ADRA1B: variants seen among roughly 807,000 people sequenced by gnomAD.
ADRA1B encodes adrenoceptor alpha 1B.
Under a neutral mutation model 17.9 loss-of-function variants are expected in ADRA1B, and 17 were observed. The observed-to-expected ratio is 0.95, with a 90% CI of 0.65 to 1.42. The LOEUF is 1.42. Among genes scored for constraint, ADRA1B ranks in the 40% most tolerant of loss-of-function variants. The pLI is 0.00. For missense variants in ADRA1B, 681 were observed against 722.1 expected (o/e 0.94, Z 0.65); for synonymous variants, 366 against 327.6 (o/e 1.12, Z -1.27).
intron 1 of ADRA1B, among the ~76,000 whole-genome samples, chr5:159,955,972 A>G (rs1314104446): frequency 6.6e-6 from 1 of 152,114 alleles, no homozygotes; most frequent in Non-Finnish European, 1.5e-5. Context: ...GCCAGGCATA[A>G]TGGCTCCTGC....
At chr5:159,973,421 G>T (rs1342645426), downstream of ADRA1B, among the ~76,000 whole-genome samples, 1 of 152,180 alleles carries the variant, frequency 6.6e-6, no homozygotes, top group African/African-American at 2.4e-5. Context: ...TCCCCGGCCA[G>T]TCCCCTAAAT....
intron 1 of ADRA1B, among the ~76,000 whole-genome samples, chr5:159,962,485 G>A (rs1268925671): frequency 6.6e-6 from 1 of 151,776 alleles, no homozygotes; most frequent in Non-Finnish European, 1.5e-5. Flanking sequence ...TTTTAAACCT[G>A]TCTCTCACCT....
rs1009777998 is a variant in ADRA1B, at chr5:159,972,856, C to T, written c.*364C>T. Among the ~76,000 whole-genome samples, 1 of 152,138 alleles carries T rather than the reference C, an allele frequency of 6.6e-6. No homozygotes were observed. Among genetic ancestry groups the T allele is most frequent in the African/African-American group, 2.4e-5 (1 of 41,442 alleles). On this transcript the variant is annotated 3_prime_UTR_variant, in exon 2 of 2. Transcript: ENST00000306675. ...CGCTTGTGTGTGTGCGTGGGGCCGC[C>T]CTGTGAGGGCGCGGCGACTGTGCGC...
At chr5:159,958,467 T>C (rs1020689044) in intron 1 of ADRA1B, among the ~76,000 whole-genome samples, 1 of 152,238 alleles carries the variant, frequency 6.6e-6, no homozygotes, top group African/African-American at 2.4e-5. Context: ...TTACTATGAT[T>C]CTATGACAGG....
upstream of ADRA1B, among the ~76,000 whole-genome samples, chr5:159,914,772 CT>C (rs774720162): frequency 5.3e-4 from 80 of 152,192 alleles, no homozygotes; most frequent in Non-Finnish European, 9.4e-4. Flanking sequence ...TGAGTGACTT[CT>C]GTTTTCCCCA....
At chr5:159,949,252 T>C (rs1213110289) in intron 1 of ADRA1B, among the ~76,000 whole-genome samples, 1 of 152,230 alleles carries the variant, frequency 6.6e-6, no homozygotes, top group African/African-American at 2.4e-5. Context: ...ACTCAATTTG[T>C]ATTGTTCATT....
intron 1 of ADRA1B, among the ~76,000 whole-genome samples, chr5:159,955,634 A>G (rs1218728593): frequency 6.6e-6 from 1 of 152,178 alleles, no homozygotes; most frequent in African/African-American, 2.4e-5. Context: ...GGAAGGATTC[A>G]GTGCTGTGTG....
chr5:159,944,515 AG>A (rs1419286413), intron 1 of ADRA1B, among the ~76,000 whole-genome samples: 7 of 152,248 alleles, frequency 4.6e-5, no homozygotes, highest in African/African-American at 1.7e-4. Context: ...GTCTCTCGAC[AG>A]GCTGTGTTAC....
intron 1 of ADRA1B, 96 bp downstream of exon 1, chr5:159,917,950 A>G (rs1156336798): frequency 9.5e-7 from 1 of 1,054,026 alleles, no homozygotes; most frequent in East Asian, 2.4e-5. Context: ...TTTGTTTCTT[A>G]TGCAGTCTGT....
rs1183956555 is a variant in ADRA1B, at chr5:159,936,600, C to A, written c.949+18746C>A. ...TTGGAGCCTATCTTCTCTTTGCTCT[C>A]CGTGAAAAACAAATTGTATCAGTGC... On this transcript the variant is annotated intron_variant, in intron 1 of 1. Transcript: ENST00000306675. 2.0e-5 allele frequency among the ~76,000 whole-genome samples: 3 copies of A among 152,060 alleles called. No homozygotes were observed. The South Asian group carries it at 6.2e-4, about 32-fold the overall frequency.
intron 1 of ADRA1B, among the ~76,000 whole-genome samples, chr5:159,927,411 A>ACACACACACACACACACACACACG: frequency 6.6e-6 from 1 of 151,886 alleles, no homozygotes; most frequent in East Asian, 1.9e-4. Flanking sequence ...ACACACACAC[A>ACACACACACACACACACACACACG]CACGTATGCA....
intron 1 of ADRA1B, among the ~76,000 whole-genome samples, chr5:159,926,620 C>T (rs560194066): frequency 1.3e-5 from 2 of 152,120 alleles, no homozygotes; most frequent in Non-Finnish European, 2.9e-5. Context: ...GCCATGGTGG[C>T]TCAAACCTGT....
intron 1 of ADRA1B, among the ~76,000 whole-genome samples, chr5:159,923,640 A>G (rs1427366481): frequency 6.6e-6 from 1 of 152,236 alleles, no homozygotes; most frequent in African/African-American, 2.4e-5. Context: ...TCTGCCAGAC[A>G]CTCTCATAAG....
intron 1 of ADRA1B, among the ~76,000 whole-genome samples, chr5:159,969,115 C>A (rs999034910): frequency 6.6e-6 from 1 of 152,218 alleles, no homozygotes; most frequent in African/African-American, 2.4e-5. Flanking sequence ...AGTCTTGTCA[C>A]AAATCGGGTC....
chr5:159,987,793 G>T, the ADRA1B span, among the ~76,000 whole-genome samples: 2 of 152,204 alleles, frequency 1.3e-5, no homozygotes, highest in Non-Finnish European at 2.9e-5. Context: ...CTTTTCATGA[G>T]TCTGACTAAT....
At chr5:159,958,115 G>A (rs1755598319) in intron 1 of ADRA1B, among the ~76,000 whole-genome samples, 1 of 151,808 alleles carries the variant, frequency 6.6e-6, no homozygotes, top group Non-Finnish European at 1.5e-5. Flanking sequence ...TTTTAGCTGT[G>A]CTTAAAATGG....
chr5:159,943,971 A>G (rs1755206061), intron 1 of ADRA1B, among the ~76,000 whole-genome samples: 2 of 150,914 alleles, frequency 1.3e-5, no homozygotes, highest in South Asian at 4.2e-4. Context: ...CTCACTCCCC[A>G]GTTTTATTCT....
At chr5:159,973,927 A>G (rs114101464), downstream of ADRA1B, among the ~76,000 whole-genome samples, 1,187 of 152,322 alleles carry the variant, frequency 7.8e-3, 13 homozygotes, top group African/African-American at 0.027. Flanking sequence ...AGAAAAGCCT[A>G]GGAGGAACGC....
At chr5:159,899,240 GAGGAAGGAAGGAAGGAAGGAAGAA>G (rs1561585193) in intron 1 of ADRA1B, among the ~76,000 whole-genome samples, 1 of 105,428 alleles carries the variant, frequency 9.5e-6, no homozygotes, top group Non-Finnish European at 2.0e-5. Context: ...AGGAGGGAGG[GAGGAAGGAAGGAAGGAAGGAAGAA>G]AGGAAGGAAG....
Sources: allele counts gnomAD v4.1 joint callset (sites outside exome capture counted in the v4.1 genomes callset), GRCh38; gene constraint gnomAD v4.1.1; transcripts MANE v1.5; gene names NCBI Gene and HGNC (gene_info 2026-07-23, HGNC 2026-07-21).